RCOR1: variants seen among roughly 807,000 people sequenced by gnomAD.
The protein encoded by RCOR1 is REST corepressor 1.
A neutral mutation model predicts 64.0 loss-of-function variants in RCOR1; 12 were observed. The observed-to-expected ratio is 0.19, with a 90% CI of 0.12 to 0.30. The LOEUF is 0.30. RCOR1 is among the 10% of genes least tolerant of loss of function. RCOR1 has a pLI of 1.00. For missense variants in RCOR1, 502 were observed against 621.2 expected, an observed-to-expected ratio of 0.81 and a Z score of 2.04; for synonymous variants, 279 against 227.2, an observed-to-expected ratio of 1.23 and a Z score of -2.05.
At chr14:102,676,448 C>T (rs1427476288) in intron 2 of RCOR1, among the ~76,000 whole-genome samples, 3 of 113,218 alleles carry the variant, frequency 2.6e-5, no homozygotes, top group African/African-American at 3.9e-5. Flanking sequence ...CCGGACGGGG[C>T]GGCCGGCCGG....
At position 102,651,349 on chromosome 14, in the gene RCOR1, T is replaced by G. The variant is rs560681900; in HGVS notation, c.362-30546T>G. Among the ~76,000 whole-genome samples, 230 of 151,078 alleles carry G rather than the reference T, an allele frequency of 1.5e-3. 2 individuals carry two copies. The highest frequency in any genetic ancestry group is 6.5e-4 in the Non-Finnish European group (44 of 67,756). On this transcript the variant is annotated intron_variant, in intron 2 of 11. Coordinates refer to ENST00000262241, the MANE Select transcript of RCOR1 (RefSeq NM_015156.4). ...GAAGGCGGATCATGAGGTCAGGAGGTTGAGATGAGCCTGACCAACACAGTG... is the reference window on the plus strand; with the variant it reads ...GAAGGCGGATCATGAGGTCAGGAGGGTGAGATGAGCCTGACCAACACAGTG...
chr14:102,611,356 A>G (rs2139889802), intron 2 of RCOR1, among the ~76,000 whole-genome samples: 1 of 152,316 alleles, frequency 6.6e-6, no homozygotes, highest in Non-Finnish European at 1.5e-5. Context: ...GGCATGAGCC[A>G]CCATGCCCGG....
Position 102,653,078 on chromosome 14 carries a change from G to A in RCOR1, c.362-28817G>A, listed in dbSNP as rs184373094. On this transcript the variant is annotated intron_variant, in intron 2 of 11. Transcript: ENST00000262241. ...CTCCCGAGTAGCTGGAACTAGAGGC[G>A]CGCGCCAGCCAATTTTTGTATTTTT... 2.9e-3 allele frequency among the ~76,000 whole-genome samples: 441 copies of A among 151,502 alleles called. 1 individual carries two copies. The highest frequency in any genetic ancestry group is 5.4e-3 in the Non-Finnish European group (363 of 67,828).
chr14:102,656,173 T>C, intron 2 of RCOR1: 1 of 938,590 alleles, frequency 1.1e-6, no homozygotes, highest in Non-Finnish European at 1.3e-6. Flanking sequence ...AGAGTCTCGC[T>C]GTGTCGCCCA....
chr14:102,702,705 A>C (rs1895776260), intron 4 of RCOR1, among the ~76,000 whole-genome samples: 1 of 152,144 alleles, frequency 6.6e-6, no homozygotes, highest in South Asian at 2.1e-4. Context: ...GCAAGCCTAC[A>C]ACCAAAAGAA....
intron 8 of RCOR1, among the ~76,000 whole-genome samples, chr14:102,715,162 C>A (rs1023552148): frequency 5.3e-5 from 8 of 151,312 alleles, no homozygotes; most frequent in African/African-American, 1.9e-4. Context: ...TCTGCCTCCC[C>A]AGTTCATGCC....
At chr14:102,658,866 G>C (rs1247445743) in intron 2 of RCOR1, among the ~76,000 whole-genome samples, 1 of 152,168 alleles carries the variant, frequency 6.6e-6, no homozygotes, top group Non-Finnish European at 1.5e-5. Context: ...CATATGATTG[G>C]AGTGGTGGGA....
At chr14:102,700,949 G>A (rs563025030) in intron 3 of RCOR1, among the ~76,000 whole-genome samples, 92 of 152,328 alleles carry the variant, frequency 6.0e-4, no homozygotes, top group African/African-American at 2.1e-3. Context: ...GAGGAGGAGC[G>A]AGGAGCAAGT....
At chr14:102,708,626 A>G (rs776510079) in intron 6 of RCOR1, 43 bp downstream of exon 6, 13 of 1,088,958 alleles carry the variant, frequency 1.2e-5, no homozygotes, top group South Asian at 5.3e-5. Flanking sequence ...TTAGGGGACT[A>G]TCTAAGAGCC....
chr14:102,669,329 A>G (rs1026907590), intron 2 of RCOR1, among the ~76,000 whole-genome samples: 1 of 151,938 alleles, frequency 6.6e-6, no homozygotes, highest in Admixed American at 6.6e-5. Flanking sequence ...AAAAAGAGAA[A>G]AGAAAAGATA....
intron 2 of RCOR1, among the ~76,000 whole-genome samples, chr14:102,672,099 C>T (rs1394516194): frequency 1.3e-5 from 2 of 152,098 alleles, no homozygotes; most frequent in Non-Finnish European, 2.9e-5. Context: ...TTGTTTCTAC[C>T]TTTTAGCTGT....
Position 102,680,154 on chromosome 14 carries a change from C to T in RCOR1, c.362-1741C>T, listed in dbSNP as rs972616173. Among the ~76,000 whole-genome samples, 5 of 151,784 alleles carry T rather than the reference C, an allele frequency of 3.3e-5. No homozygotes were observed. The East Asian group carries it at 9.6e-4, about 29-fold the overall frequency. On this transcript the variant is annotated intron_variant, in intron 2 of 11. Transcript: ENST00000262241. ...TTATTTCATATTTGATGCTAATGATCTTTAATTTTGATTTTTGATTTTTTT... is the reference window on the plus strand; with the variant it reads ...TTATTTCATATTTGATGCTAATGATTTTTAATTTTGATTTTTGATTTTTTT...
chr14:102,637,998 A>C (rs959375786), intron 2 of RCOR1, among the ~76,000 whole-genome samples: 3 of 152,106 alleles, frequency 2.0e-5, no homozygotes. Context: ...CAATTTCTGT[A>C]TCTGAAAAAC....
At chr14:102,685,485 C>CT (rs200809707) in intron 3 of RCOR1, among the ~76,000 whole-genome samples, 4,776 of 139,596 alleles carry the variant, frequency 0.034, 146 homozygotes, top group African/African-American at 0.087. Context: ...TTGTACATTT[C>CT]TTTTTTTTTT....
At chr14:102,655,360 A>C in intron 2 of RCOR1, 1 of 985,336 alleles carries the variant, frequency 1.0e-6, no homozygotes, top group South Asian at 4.7e-5. Context: ...CAGGAAGCTG[A>C]ATGACTCATG....
Position 102,592,928 on chromosome 14 carries a change from G to T in RCOR1, c.42G>T (p.Lys14Asn). ...AGAAGGGCCCCGAGGTCTCAGGGAA[G>T]CGGAGAGGGAGGAACAACGCGGCCG... is the stretch of plus-strand genomic sequence containing the variant. ...MVEKGPEVSG[K>N]RRGRNNAAAS... The change falls in exon 1 of 12, where the codon AAG becomes AAT. Residue 14 changes from lysine to asparagine, a missense_variant. By Grantham distance (94) the Lys-to-Asn change is moderately conservative (BLOSUM62 0). Transcript: ENST00000262241. 8.1e-7 allele frequency: 1 copy of T among 1,240,074 alleles called. No homozygotes were observed. 76.8% of individuals were successfully genotyped at this position (1,240,074 alleles called of 1,614,324 possible). A position where few individuals can be genotyped will look rare whatever the true frequency, so the allele number is the denominator to read the frequency against.
At chr14:102,702,665 T>C (rs372921007) in intron 4 of RCOR1, among the ~76,000 whole-genome samples, 1 of 152,124 alleles carries the variant, frequency 6.6e-6, no homozygotes, top group African/African-American at 2.4e-5. Context: ...AGACCTTCAG[T>C]TTATACTCAG....
At chr14:102,721,210 C>A in intron 9 of RCOR1, 110 bp from the exon 10 acceptor site, 1 of 1,132,828 alleles carries the variant, frequency 8.8e-7, no homozygotes, top group South Asian at 1.4e-5. Flanking sequence ...ATTTTATGAA[C>A]CCAGTTGATG....
intron 2 of RCOR1, among the ~76,000 whole-genome samples, chr14:102,644,466 A>G (rs985795117): frequency 2.2e-4 from 34 of 152,170 alleles, no homozygotes; most frequent in Admixed American, 1.6e-3. Flanking sequence ...GGAAAACACA[A>G]TCTACCACAT....
Sources: gnomAD v4.1 joint callset for allele counts (sites outside exome capture counted in the v4.1 genomes callset) on GRCh38, gnomAD v4.1.1 for gene constraint, MANE v1.5 for transcripts, NCBI Gene and HGNC (gene_info 2026-07-23, HGNC 2026-07-21) for gene names.